PAX5: variants seen among roughly 807,000 people sequenced by gnomAD.
PAX5 encodes the protein paired box protein Pax-5.
PAX5 carries 9 observed loss-of-function variants against 43.7 expected under a neutral mutation model. The ratio of observed to expected loss-of-function variants is 0.21; its 90% confidence interval spans 0.12 to 0.36. The LOEUF is 0.36. Ranked by LOEUF, PAX5 falls within the 10% of genes least tolerant of loss-of-function variation. The pLI, the probability that PAX5 is intolerant of heterozygous loss-of-function variation, is 1.00. For synonymous variants in PAX5, 228 were observed against 214.3 expected, an observed-to-expected ratio of 1.06 and a Z score of -0.56; for missense variants, 383 against 532.7, an observed-to-expected ratio of 0.72 and a Z score of 2.77.
rs1184899637 is a variant in PAX5, at chr9:36,839,893, G to A, written c.*667C>T. On this transcript the variant is annotated 3_prime_UTR_variant, in exon 10 of 10. Coordinates refer to ENST00000358127, the MANE Select transcript of PAX5 (RefSeq NM_016734.3). ...ATCTCCCCAAAGTGTGCTCCTCTTG[G>A]AGAGGGGCCTCAGGGGGAGCCTGCA... The A allele has an allele frequency of 1.3e-5, 3 of 234,396 alleles. No homozygotes were observed. Among genetic ancestry groups the A allele is most frequent in the African/African-American group, 2.2e-5 (1 of 45,366 alleles). 14.5% of individuals were successfully genotyped at this position (234,396 alleles called of 1,614,324 possible). A position where few individuals can be genotyped will look rare whatever the true frequency, so the allele number is the denominator to read the frequency against.
chr9:36,861,822 G>A (rs10124602), intron 8 of PAX5, among the ~76,000 whole-genome samples: 3,547 of 152,116 alleles, frequency 0.023, 138 homozygotes, highest in African/African-American at 0.081. Context: ...CAGGAGGGAC[G>A]TGTCCTGACT....
chr9:36,840,660 C>A lies in PAX5; in HGVS notation c.1100-24G>T, dbSNP rs187268893. On this transcript the variant is annotated intron_variant, in intron 9 of 9. Transcript: ENST00000358127. ...GCCTGGAAGAGACGGGAGAGAGCAC[C>A]GAGGTCAGATCCGGGGTCCCCTTTC... is the stretch of plus-strand genomic sequence containing the variant. 36 of 1,492,656 alleles carry A rather than the reference C, an allele frequency of 2.4e-5. No homozygotes were observed. In the Admixed American group the frequency reaches 7.0e-4, roughly 29 times the overall value. 92.5% of individuals were successfully genotyped at this position (1,492,656 alleles called of 1,614,324 possible).
chr9:36,873,724 A>G (rs1825686399), intron 8 of PAX5, among the ~76,000 whole-genome samples: 1 of 152,230 alleles, frequency 6.6e-6, no homozygotes, highest in South Asian at 2.1e-4. Flanking sequence ...TCTGATGCTC[A>G]AATCCCCACC....
At chr9:37,010,624 G>A (rs1838841042) in intron 3 of PAX5, among the ~76,000 whole-genome samples, 1 of 151,494 alleles carries the variant, frequency 6.6e-6, no homozygotes, top group African/African-American at 2.4e-5. Context: ...CACGCCCCCC[G>A]CCCCACCACC....
intron 6 of PAX5, among the ~76,000 whole-genome samples, chr9:36,953,563 T>C (rs577718138): frequency 6.6e-6 from 1 of 152,162 alleles, no homozygotes; most frequent in Non-Finnish European, 1.5e-5. Flanking sequence ...AAGTTTCTAT[T>C]GTCATATCTT....
chr9:36,876,675 T>G (rs1466650726), intron 8 of PAX5, among the ~76,000 whole-genome samples: 1 of 152,210 alleles, frequency 6.6e-6, no homozygotes, highest in African/African-American at 2.4e-5. Flanking sequence ...TGGGACTTGA[T>G]GGAAATAAAA....
At chr9:36,889,789 T>C (rs1428281105) in intron 7 of PAX5, among the ~76,000 whole-genome samples, 1 of 152,270 alleles carries the variant, frequency 6.6e-6, no homozygotes, top group Non-Finnish European at 1.5e-5. Flanking sequence ...GAAGGAACTA[T>C]GCTTCTCTTC....
At chr9:36,909,676 G>C (rs549938995) in intron 7 of PAX5, among the ~76,000 whole-genome samples, 6 of 152,166 alleles carry the variant, frequency 3.9e-5, no homozygotes, top group South Asian at 4.1e-4. Context: ...GCCAGGTGGG[G>C]TGTGGGGTAA....
intron 7 of PAX5, among the ~76,000 whole-genome samples, chr9:36,899,726 A>G (rs998819989): frequency 1.3e-5 from 2 of 152,088 alleles, no homozygotes; most frequent in East Asian, 3.9e-4. Context: ...CTTTTTCCCC[A>G]GTCCAGGCAT....
At chr9:36,897,927 GC>G (rs1828011759) in intron 7 of PAX5, among the ~76,000 whole-genome samples, 1 of 152,196 alleles carries the variant, frequency 6.6e-6, no homozygotes, top group Non-Finnish European at 1.5e-5. Context: ...CCATCCTTGA[GC>G]CTACTGGTCA....
At chr9:37,024,335 G>A (rs1051654122) in intron 1 of PAX5, among the ~76,000 whole-genome samples, 9 of 152,084 alleles carry the variant, frequency 5.9e-5, no homozygotes, top group Admixed American at 2.0e-4. Flanking sequence ...CTCCAAAGAA[G>A]CTATCCGGCT....
At chr9:36,949,855 A>G (rs374538781) in intron 6 of PAX5, among the ~76,000 whole-genome samples, 4 of 152,250 alleles carry the variant, frequency 2.6e-5, no homozygotes, top group South Asian at 4.2e-4. Context: ...GCCCAAGCCA[A>G]TCCCCTCATA....
intron 1 of PAX5, 47 bp downstream of exon 1, chr9:37,033,939 G>C: frequency 6.3e-7 from 1 of 1,596,276 alleles, no homozygotes; most frequent in Non-Finnish European, 8.6e-7. Context: ...CCAAGGCCTG[G>C]CCGTGTCCCG....
chr9:36,882,118 A>C lies in PAX5; in HGVS notation c.911-13T>G, dbSNP rs1340414494. On this transcript the variant is annotated splice_polypyrimidine_tract_variant and intron_variant, in intron 7 of 9. Coordinates refer to ENST00000358127, the MANE Select transcript of PAX5 (RefSeq NM_016734.3). This position sits in a 1 kb window ranked among gnomAD's most constrained non-coding sequence, Gnocchi z 4.4. ...GCCAAGTCACGGCCTGAGGAATCAA[A>C]GCAACAAATCACAGGGTGAGCATCT... is the stretch of plus-strand genomic sequence containing the variant. The C allele has an allele frequency of 3.2e-6, 5 of 1,573,086 alleles. No individual in the cohort carries two copies. The highest frequency in any genetic ancestry group is 4.3e-6 in the Non-Finnish European group (5 of 1,154,582).
At position 37,005,189 on chromosome 9, in the gene PAX5, G is replaced by GA. The variant is rs1564067890; in HGVS notation, c.475+1283_475+1284insT. Among the ~76,000 whole-genome samples, 4 of 152,180 alleles carry GA rather than the reference G, an allele frequency of 2.6e-5. No homozygotes were observed. In the South Asian group the frequency reaches 8.3e-4, roughly 31 times the overall value. ...TCTTCACCCTAGCCCAGCAGAGCTG[G>GA]TGGTTCCTTTCCTTCTGCCCCCACA... On this transcript the variant is annotated intron_variant, in intron 4 of 9. Transcript: ENST00000358127.
intron 1 of PAX5, among the ~76,000 whole-genome samples, chr9:37,022,416 A>T (rs180790401): frequency 7.7e-4 from 118 of 152,366 alleles, no homozygotes; most frequent in African/African-American, 2.7e-3. Context: ...ACACCTATTT[A>T]AAAAGGTTGT....
chr9:36,883,672 A>AAAAAG lies in PAX5; in HGVS notation c.911-1572_911-1568dup, dbSNP rs369645357. 2.5e-3 allele frequency among the ~76,000 whole-genome samples: 384 copies of AAAAAG among 152,280 alleles called. 1 individual carries two copies. Among genetic ancestry groups the AAAAAG allele is most frequent in the African/African-American group, 8.9e-3 (369 of 41,558 alleles). On this transcript the variant is annotated intron_variant, in intron 7 of 9. Coordinates refer to ENST00000358127, the MANE Select transcript of PAX5 (RefSeq NM_016734.3). ...AGAGACAGAGTGAGACTCCATTCAC[A>AAAAAG]AAAAGAAAAGAAAAGAATGAATTAG...
At chr9:36,854,020 G>A (rs562691682) in intron 8 of PAX5, among the ~76,000 whole-genome samples, 6 of 152,356 alleles carry the variant, frequency 3.9e-5, no homozygotes, top group Non-Finnish European at 7.3e-5. Context: ...GACCTTGGCC[G>A]GCTGCAATTA....
chr9:36,866,564 C>T (rs1824905252), intron 8 of PAX5, among the ~76,000 whole-genome samples: 1 of 152,052 alleles, frequency 6.6e-6, no homozygotes, highest in South Asian at 2.1e-4. Flanking sequence ...GTGGGGGTCT[C>T]GATTTGTGTT....
Sources: gnomAD v4.1 joint callset for allele counts (sites outside exome capture counted in the v4.1 genomes callset) on GRCh38, gnomAD v4.1.1 for gene constraint, Gnocchi (gnomAD v3.1) non-coding constraint, MANE v1.5 for transcripts, NCBI Gene and HGNC (gene_info 2026-07-23, HGNC 2026-07-21) for gene names.